Variants in GSE1 observed in about 807,000 individuals in gnomAD.
GSE1 encodes the protein genetic suppressor element 1.
In GSE1, 32 loss-of-function variants were observed where a neutral mutation model predicts 112.6. The ratio of observed to expected loss-of-function variants is 0.28; its 90% CI spans 0.21 to 0.38. The LOEUF (loss-of-function observed/expected upper bound fraction) is 0.38, where lower values mean the gene tolerates loss of function less well. Ranked by LOEUF, GSE1 falls within the 10% of genes least tolerant of loss-of-function variation. GSE1 has a pLI of 1.00. For missense variants in GSE1, 2,348 were observed against 1,699.2 expected (o/e 1.38, Z -6.71); for synonymous variants, 1,115 against 735.6 (o/e 1.52, Z -8.35).
intron 2 of GSE1, among the ~76,000 whole-genome samples, chr16:85,387,383 G>A (rs1044716639): frequency 3.3e-5 from 5 of 152,008 alleles, no homozygotes; most frequent in African/African-American, 1.2e-4. Flanking sequence ...AACCCCCCAC[G>A]CATGCTGAAG....
chr16:85,554,436 G>A (rs1299828622), upstream of GSE1, among the ~76,000 whole-genome samples: 1 of 152,198 alleles, frequency 6.6e-6, no homozygotes, highest in Non-Finnish European at 1.5e-5. Flanking sequence ...CAGAATCCCA[G>A]TAATAGCATT....
chr16:85,401,483 C>G (rs534965675), intron 2 of GSE1, among the ~76,000 whole-genome samples: 19 of 152,244 alleles, frequency 1.2e-4, no homozygotes, highest in South Asian at 8.3e-4. Context: ...AGTTGCTTCC[C>G]TTGGGGCACC....
chr16:85,469,585 A>T (rs961125473), intron 2 of GSE1, among the ~76,000 whole-genome samples: 2 of 152,174 alleles, frequency 1.3e-5, no homozygotes, highest in African/African-American at 2.4e-5. Context: ...TACATGTTTT[A>T]AAAATGTGTG....
chr16:85,552,328 C>CTTTTTTTTTTTTTTTTTT (rs1195413161), upstream of GSE1, among the ~76,000 whole-genome samples: 3 of 47,754 alleles, frequency 6.3e-5, no homozygotes, highest in African/African-American at 1.3e-4. Context: ...CCCGCCCCTC[C>CTTTTTTTTTTTTTTTTTT]TTTTTTTTTT....
intron 2 of GSE1, among the ~76,000 whole-genome samples, chr16:85,385,751 C>T (rs1046239927): frequency 2.6e-5 from 4 of 152,290 alleles, no homozygotes; most frequent in Middle Eastern, 3.4e-3. Context: ...TCCGAGGCCT[C>T]GGCGGTAATG....
At position 85,294,626 on chromosome 16, in the gene GSE1, TCTCTC is replaced by T. The variant is rs2045312858; in HGVS notation, c.2284-62836_2284-62832del. 2.3e-4 allele frequency among the ~76,000 whole-genome samples: 25 copies of T among 109,654 alleles called. No individual in the cohort carries two copies. In the Middle Eastern group the frequency reaches 0.014, roughly 60 times the overall value. 71.9% of individuals were successfully genotyped at this position (109,654 alleles called of 152,430 possible). On this transcript the variant is annotated intron_variant, in intron 1 of 2. Transcript: ENST00000637419. ...GCCAGCACGCCTCTCACTCTCTCTC[TCTCTC>T]TCTCTCTCTCTCTCTCTCTCTCTCT...
rs904778937 is a variant in GSE1, at chr16:85,663,491, C to G, written c.2521C>G (p.Pro841Ala). ...TCAGAGCAAGCGGCAGACGCCTTCA[C>G]CGAGACTGGCGCTGTCTACCCGCTA... ...TIQSKRQTPS[P>A]RLALSTRYSP... The change falls in exon 11 of 16, where the codon CCG becomes GCG. Residue 841 changes from proline to alanine, a missense_variant. By Grantham distance (27) the Pro-to-Ala change is conservative (BLOSUM62 -1). Transcript: ENST00000253458. 6.2e-7 allele frequency: 1 copy of G among 1,613,960 alleles called. No individual in the cohort carries two copies. Among genetic ancestry groups the G allele is most frequent in the Non-Finnish European group, 8.5e-7 (1 of 1,180,028 alleles).
chr16:85,632,215 C>T (rs1348956604), intron 1 of GSE1, among the ~76,000 whole-genome samples: 1 of 152,236 alleles, frequency 6.6e-6, no homozygotes. Flanking sequence ...TGCTGCAGGG[C>T]ACGGCCACGG....
At chr16:85,251,143 A>G (rs982918598) in intron 1 of GSE1, among the ~76,000 whole-genome samples, 2 of 152,142 alleles carry the variant, frequency 1.3e-5, no homozygotes, top group African/African-American at 4.8e-5. Flanking sequence ...GCGCGTCTCC[A>G]TCCCCTCAGA....
intron 2 of GSE1, among the ~76,000 whole-genome samples, chr16:85,429,490 G>A (rs1359091721): frequency 6.6e-6 from 1 of 152,206 alleles, no homozygotes; most frequent in East Asian, 1.9e-4. Context: ...CTGCTAGTGA[G>A]GCGTCATCAT....
chr16:85,584,117 C>T (rs890464438), intron 1 of GSE1, among the ~76,000 whole-genome samples: 5 of 152,314 alleles, frequency 3.3e-5, no homozygotes, highest in South Asian at 2.1e-4. Context: ...CTGCACAGCC[C>T]GCAGACTGGC....
intron 2 of GSE1, among the ~76,000 whole-genome samples, chr16:85,478,919 C>T (rs8059974): frequency 4.8e-4 from 22 of 45,492 alleles, no homozygotes; most frequent in African/African-American, 9.1e-4. Context: ...TTCTTTCTTT[C>T]TTTCTTTCTC....
At chr16:85,502,326 G>T (rs915724011) in intron 2 of GSE1, among the ~76,000 whole-genome samples, 3 of 152,174 alleles carry the variant, frequency 2.0e-5, no homozygotes, top group African/African-American at 7.2e-5. Context: ...GTAGCGCCGT[G>T]GGTAGCGCAG....
intron 1 of GSE1, among the ~76,000 whole-genome samples, chr16:85,177,144 G>T (rs558557885): frequency 6.6e-6 from 1 of 152,256 alleles, no homozygotes; most frequent in Non-Finnish European, 1.5e-5. Flanking sequence ...GAAGGCGAAA[G>T]GTCTTCAAAA....
chr16:85,211,312 G>GT (rs566877175), intron 1 of GSE1, among the ~76,000 whole-genome samples: 3,394 of 138,918 alleles, frequency 0.024, 91 homozygotes, highest in East Asian at 0.12. Context: ...TTTTTTTTTT[G>GT]TTTTTTTTTT....
intron 1 of GSE1, among the ~76,000 whole-genome samples, chr16:85,614,861 T>C (rs1270407668): frequency 6.6e-6 from 1 of 152,092 alleles, no homozygotes; most frequent in Non-Finnish European, 1.5e-5. Context: ...AGGGCTCCTT[T>C]TGTAAAAGGC....
chr16:85,413,361 G>C (rs181437801), intron 2 of GSE1, among the ~76,000 whole-genome samples: 368 of 152,276 alleles, frequency 2.4e-3, no homozygotes, highest in African/African-American at 8.2e-3. Context: ...GGGTCCAGGA[G>C]GGAGGAGCTG....
intron 1 of GSE1, among the ~76,000 whole-genome samples, chr16:85,193,932 G>A (rs1435098552): frequency 4.6e-5 from 7 of 152,134 alleles, no homozygotes; most frequent in East Asian, 1.9e-4. Flanking sequence ...ATCTTATTCC[G>A]ACTTCTCCAG....
Position 85,661,592 on chromosome 16 carries a change from C to G in GSE1, c.2087C>G (p.Ala696Gly). The change falls in exon 9 of 16, where the codon GCG becomes GGG. Residue 696 changes from alanine to glycine, a missense_variant. Ala to Gly is a moderately conservative substitution (Grantham distance 60, BLOSUM62 0). Coordinates refer to ENST00000253458, the MANE Select transcript of GSE1 (RefSeq NM_014615.5). The part of the protein sequence containing the change: ...LGQQRASLPQ[A>G]ATFGELSGPL... ...CAGCAGCGGGCCTCCCTCCCACAGGCGGCCACCTTCGGGGAGCTCAGCGGA... is the reference window on the plus strand; with the variant it reads ...CAGCAGCGGGCCTCCCTCCCACAGGGGGCCACCTTCGGGGAGCTCAGCGGA... The G allele has an allele frequency of 6.2e-7, 1 of 1,609,860 alleles. No homozygotes were observed. The highest frequency in any genetic ancestry group is 8.5e-7 in the Non-Finnish European group (1 of 1,178,824).
Sources: allele counts gnomAD v4.1 joint callset (sites outside exome capture counted in the v4.1 genomes callset), GRCh38; gene constraint gnomAD v4.1.1; transcripts MANE v1.5; gene names NCBI Gene and HGNC (gene_info 2026-07-23, HGNC 2026-07-21).